Variants in STX8 observed in about 807,000 individuals in gnomAD.
The protein encoded by STX8 is syntaxin-8.
A neutral mutation model predicts 37.5 loss-of-function variants in STX8; 23 were observed. The ratio of observed to expected loss-of-function variants is 0.61; its 90% confidence interval spans 0.44 to 0.87. STX8 has a LOEUF of 0.87. Among genes scored for constraint, STX8 ranks in the 40% least tolerant of loss-of-function variants. STX8 has a pLI of 0.00. For synonymous variants in STX8, 115 were observed against 99.1 expected (o/e 1.16, Z -0.95); for missense variants, 313 against 284.7 (o/e 1.10, Z -0.71).
At chr17:9,301,091 C>A in intron 7 of STX8, among the ~76,000 whole-genome samples, 1 of 152,176 alleles carries the variant, frequency 6.6e-6, no homozygotes, top group East Asian at 1.9e-4. Context: ...CTCGGCCTCC[C>A]AAAGTGCTAG....
chr17:9,331,182 A>T (rs899969904), intron 7 of STX8, among the ~76,000 whole-genome samples: 1 of 152,200 alleles, frequency 6.6e-6, no homozygotes, highest in Non-Finnish European at 1.5e-5. Context: ...CATTTCCATG[A>T]GGTATCAAAG....
At chr17:9,513,215 A>C (rs1905070304) in intron 4 of STX8, among the ~76,000 whole-genome samples, 1 of 151,998 alleles carries the variant, frequency 6.6e-6, no homozygotes, top group Non-Finnish European at 1.5e-5. Flanking sequence ...AAAATGGGCA[A>C]ATGAGCTAGG....
intron 3 of STX8, among the ~76,000 whole-genome samples, chr17:9,545,595 T>A (rs991581755): frequency 6.6e-6 from 1 of 152,158 alleles, no homozygotes; most frequent in Non-Finnish European, 1.5e-5. Flanking sequence ...ATTTACTTAT[T>A]TTTGAGACAG....
At chr17:9,518,783 G>A (rs955056985) in intron 4 of STX8, among the ~76,000 whole-genome samples, 3 of 151,406 alleles carry the variant, frequency 2.0e-5, no homozygotes, top group African/African-American at 4.9e-5. Context: ...CAGGAGAATC[G>A]CCTGAACCCG....
intron 7 of STX8, among the ~76,000 whole-genome samples, chr17:9,302,847 G>A (rs1474258934): frequency 1.3e-5 from 2 of 152,078 alleles, no homozygotes; most frequent in South Asian, 2.1e-4. Flanking sequence ...AGGAGCACAA[G>A]GGAACTCATA....
intron 7 of STX8, among the ~76,000 whole-genome samples, chr17:9,327,523 T>C (rs1011564579): frequency 2.0e-5 from 3 of 152,120 alleles, no homozygotes; most frequent in African/African-American, 7.2e-5. Context: ...TGATCTAATG[T>C]TGATGGACAG....
intron 2 of STX8, among the ~76,000 whole-genome samples, chr17:9,564,195 C>A (rs549193403): frequency 5.7e-4 from 87 of 152,224 alleles, no homozygotes; most frequent in African/African-American, 2.0e-3. Context: ...CAAGGATGCC[C>A]TCTGCTACCA....
intron 6 of STX8, among the ~76,000 whole-genome samples, chr17:9,406,179 G>A (rs1912796209): frequency 6.6e-6 from 1 of 152,144 alleles, no homozygotes; most frequent in African/African-American, 2.4e-5. Context: ...GCAGTACATG[G>A]CAAGCAATTC....
chr17:9,558,220 TAA>T (rs1444418237), intron 2 of STX8, among the ~76,000 whole-genome samples: 1 of 152,222 alleles, frequency 6.6e-6, no homozygotes, highest in Non-Finnish European at 1.5e-5. Context: ...ACTGCCTGTG[TAA>T]GTTAAAACAT....
At chr17:9,436,121 G>A (rs1209506068) in intron 6 of STX8, among the ~76,000 whole-genome samples, 3 of 151,806 alleles carry the variant, frequency 2.0e-5, no homozygotes, top group African/African-American at 4.8e-5. Flanking sequence ...CGTGGCTCAC[G>A]AGGTCAGGTG....
intron 6 of STX8, among the ~76,000 whole-genome samples, chr17:9,461,959 A>C (rs542444074): frequency 5.7e-4 from 87 of 152,186 alleles, no homozygotes; most frequent in Admixed American, 1.1e-3. Context: ...CGCTCCTATG[A>C]GAATCTAACG....
intron 4 of STX8, among the ~76,000 whole-genome samples, chr17:9,529,950 C>T (rs1264071325): frequency 6.6e-6 from 1 of 151,996 alleles, no homozygotes; most frequent in Non-Finnish European, 1.5e-5. Context: ...AGTGAATAGC[C>T]ACTCTACTCC....
At chr17:9,574,018 C>G (rs1907793408) in intron 1 of STX8, among the ~76,000 whole-genome samples, 1 of 152,036 alleles carries the variant, frequency 6.6e-6, no homozygotes, top group Admixed American at 6.6e-5. Flanking sequence ...CACCTGTAAT[C>G]CCAGCACTTT....
At chr17:9,399,696 T>C (rs887298162) in intron 6 of STX8, among the ~76,000 whole-genome samples, 1 of 151,744 alleles carries the variant, frequency 6.6e-6, no homozygotes, top group Admixed American at 6.6e-5. Context: ...CAAAACCCCA[T>C]CTCTACTAAA....
rs371529708 is a variant in STX8, at chr17:9,506,266, C to T, written c.324-1104G>A. 2.5e-4 allele frequency among the ~76,000 whole-genome samples: 38 copies of T among 152,068 alleles called. 2 individuals carry two copies. The South Asian group carries it at 5.6e-3, about 23-fold the overall frequency. On this transcript the variant is annotated intron_variant, in intron 4 of 7. Transcript: ENST00000306357. Reference sequence around the variant, plus strand: ...TGAGAAGATCATCTTGTCCAGGACACGACCTTCTGACCAATTCAACAAAGA... The same window carrying T: ...TGAGAAGATCATCTTGTCCAGGACATGACCTTCTGACCAATTCAACAAAGA...
At chr17:9,431,214 T>TTTG (rs903149718) in intron 6 of STX8, among the ~76,000 whole-genome samples, 1 of 148,290 alleles carries the variant, frequency 6.7e-6, no homozygotes, top group Non-Finnish European at 1.5e-5. Flanking sequence ...TAGTAGCATT[T>TTTG]TTGTTGTTGT....
chr17:9,462,803 A>C (rs997645539), intron 6 of STX8, among the ~76,000 whole-genome samples: 2 of 152,230 alleles, frequency 1.3e-5, no homozygotes, highest in African/African-American at 2.4e-5. Context: ...AATCCTTTTA[A>C]TAAAGTGAAA....
chr17:9,545,242 C>G lies in STX8; in HGVS notation c.253G>C (p.Asp85His). ...AGTAGTCTCTCTCGAGTTACAAGATCATCCAAGAGGTTCTGTCTTCGGTCC... is the reference window on the plus strand; with the variant it reads ...AGTAGTCTCTCTCGAGTTACAAGATGATCCAAGAGGTTCTGTCTTCGGTCC... ...EGDRRQNLLDDLVTRERLLLA... is the reference protein window; with the variant it reads ...EGDRRQNLLDHLVTRERLLLA... Residue 85 changes from aspartate to histidine, a missense_variant, in exon 4 of 8, where the codon GAT becomes CAT. Physicochemically the swap from Asp to His is moderately conservative, Grantham distance 81. Transcript: ENST00000306357. 1 of 1,614,152 alleles carries G rather than the reference C, an allele frequency of 6.2e-7. No homozygotes were observed. The highest frequency in any genetic ancestry group is 1.1e-5 in the South Asian group (1 of 91,074).
chr17:9,374,254 G>A (rs1271399213), intron 7 of STX8, among the ~76,000 whole-genome samples: 2 of 151,908 alleles, frequency 1.3e-5, no homozygotes, highest in African/African-American at 4.8e-5. Context: ...GCTAATTTTT[G>A]TATTTGTAGT....
Sources: gnomAD v4.1 joint callset for allele counts (sites outside exome capture counted in the v4.1 genomes callset) on GRCh38, gnomAD v4.1.1 for gene constraint, MANE v1.5 for transcripts, NCBI Gene and HGNC (gene_info 2026-07-23, HGNC 2026-07-21) for gene names.